KDSR: variants seen among roughly 807,000 people sequenced by gnomAD.
KDSR encodes the protein 3-ketodihydrosphingosine reductase.
Under a neutral mutation model 41.3 loss-of-function variants are expected in KDSR, and 23 were observed. The ratio of observed to expected loss-of-function variants is 0.56; its 90% CI spans 0.40 to 0.79. The LOEUF is 0.79. Among genes scored for constraint, KDSR ranks in the 30% least tolerant of loss-of-function variants. The pLI is 0.00. For missense variants in KDSR, 351 were observed against 416.8 expected (o/e 0.84, Z 1.37); for synonymous variants, 138 against 151.7 (o/e 0.91, Z 0.66).
intron 8 of KDSR, among the ~76,000 whole-genome samples, chr18:63,337,651 C>T (rs1432184919): frequency 6.6e-6 from 1 of 152,088 alleles, no homozygotes. Context: ...GGGCTGGGCA[C>T]GGAGCTCACG....
intron 5 of KDSR, among the ~76,000 whole-genome samples, chr18:63,354,165 C>T (rs564426510): frequency 2.0e-5 from 3 of 152,090 alleles, no homozygotes; most frequent in South Asian, 2.1e-4. Context: ...TCTGTCTAGA[C>T]GGCGCACACG....
At chr18:63,357,590 A>ATTT (rs879287574) in intron 3 of KDSR, among the ~76,000 whole-genome samples, 13,024 of 94,352 alleles carry the variant, frequency 0.14, 1,195 homozygotes, top group African/African-American at 0.24. Flanking sequence ...ATATATATAT[A>ATTT]TATATTTTTT....
rs776344064 is a variant in KDSR, at chr18:63,366,991, A to C, written c.108+20T>G. ...CGCGCGGGCCGGTAAGTCGGGGGGC[A>C]GCAACAGGAGGCCACTCACCACCAC... On this transcript the variant is annotated intron_variant, in intron 1 of 9. Transcript: ENST00000645214. 1 of 1,252,972 alleles carries C rather than the reference A, an allele frequency of 8.0e-7. No homozygotes were observed. The highest frequency in any genetic ancestry group is 1.0e-6 in the Non-Finnish European group (1 of 969,440). 77.6% of individuals were successfully genotyped at this position (1,252,972 alleles called of 1,614,324 possible). A position where few individuals can be genotyped will look rare whatever the true frequency, so the allele number is the denominator to read the frequency against.
intron 9 of KDSR, among the ~76,000 whole-genome samples, chr18:63,332,451 G>C (rs899312976): frequency 2.0e-5 from 3 of 152,112 alleles, no homozygotes; most frequent in African/African-American, 7.2e-5. Flanking sequence ...GCTCACTATA[G>C]CTTTGACCTC....
At chr18:63,365,982 C>G (rs1192703107) in intron 1 of KDSR, 1 of 152,242 alleles carries the variant, frequency 6.6e-6, no homozygotes, top group Non-Finnish European at 1.5e-5. Flanking sequence ...TATACCAGCT[C>G]AGCGGGGAGG....
chr18:63,336,450 T>C (rs1170305703), intron 8 of KDSR, among the ~76,000 whole-genome samples: 2 of 152,302 alleles, frequency 1.3e-5, no homozygotes, highest in South Asian at 2.1e-4. Context: ...GAAAAACAAC[T>C]GGCCACGTGT....
chr18:63,328,101 T>C lies in KDSR; in HGVS notation c.*3681A>G, dbSNP rs1913860965. On this transcript the variant is annotated 3_prime_UTR_variant, in exon 10 of 10. Coordinates refer to ENST00000645214, the MANE Select transcript of KDSR (RefSeq NM_002035.4). ...ACAAAGCATCTTATGTCAAAGAGTA[T>C]GAATATTTAAAAGTGGCCTCAAGTG... 1 of 190,756 alleles carries C rather than the reference T, an allele frequency of 5.2e-6. No individual in the cohort carries two copies. The highest frequency in any genetic ancestry group is 1.9e-4 in the South Asian group (1 of 5,176). 11.8% of individuals were successfully genotyped at this position (190,756 alleles called of 1,614,324 possible).
At chr18:63,340,536 C>T (rs945191306) in intron 7 of KDSR, among the ~76,000 whole-genome samples, 1 of 152,156 alleles carries the variant, frequency 6.6e-6, no homozygotes, top group African/African-American at 2.4e-5. Flanking sequence ...TGATTAATTC[C>T]TTTCTTCCCG....
At chr18:63,341,004 AGAT>A (rs1354443795) in intron 7 of KDSR, among the ~76,000 whole-genome samples, 3 of 152,228 alleles carry the variant, frequency 2.0e-5, no homozygotes, top group African/African-American at 7.2e-5. Flanking sequence ...AAAAGTGAGC[AGAT>A]GCTGGCATAT....
intron 6 of KDSR, among the ~76,000 whole-genome samples, chr18:63,347,321 C>T (rs1914535448): frequency 1.3e-5 from 2 of 151,754 alleles, no homozygotes; most frequent in East Asian, 1.9e-4. Context: ...CATGGTGAAA[C>T]CCCATCTCTA....
chr18:63,341,511 G>A (rs1156383543), intron 7 of KDSR, among the ~76,000 whole-genome samples: 1 of 151,568 alleles, frequency 6.6e-6, no homozygotes, highest in African/African-American at 2.4e-5. Flanking sequence ...GGAAATTAGA[G>A]GATCAGTCCA....
chr18:63,360,992 TA>T (rs377005462), intron 2 of KDSR, among the ~76,000 whole-genome samples: 70,558 of 112,374 alleles, frequency 0.63, 23,152 homozygotes, highest in South Asian at 0.67. Flanking sequence ...CTGTCTCTAC[TA>T]AAAAAAAAAT....
intron 9 of KDSR, among the ~76,000 whole-genome samples, chr18:63,332,831 C>CA (rs1159424416): frequency 0.027 from 2,036 of 74,744 alleles, 73 homozygotes; most frequent in African/African-American, 0.097. Flanking sequence ...GACTCCGTCT[C>CA]AAAAAAAAAA....
intron 2 of KDSR, among the ~76,000 whole-genome samples, chr18:63,361,017 A>ATATATATATATAAAATACATATAT (rs761703297): frequency 9.4e-6 from 1 of 106,900 alleles, no homozygotes; most frequent in Admixed American, 1.2e-4. Flanking sequence ...TATATATATA[A>ATATATATATATAAAATACATATAT]AATATATAAT....
chr18:63,362,691 G>T, intron 2 of KDSR, 88 bp downstream of exon 2: 1 of 837,306 alleles, frequency 1.2e-6, no homozygotes, highest in South Asian at 1.5e-5. Context: ...CGCTTTCTAG[G>T]TGTGAATGCT....
intron 3 of KDSR, among the ~76,000 whole-genome samples, chr18:63,355,832 G>T (rs550322924): frequency 4.6e-5 from 7 of 152,308 alleles, no homozygotes; most frequent in Non-Finnish European, 8.8e-5. Flanking sequence ...ATCAGGGGTT[G>T]CCCACAGCCA....
intron 6 of KDSR, among the ~76,000 whole-genome samples, chr18:63,346,845 G>C (rs1914517445): frequency 6.6e-6 from 1 of 152,166 alleles, no homozygotes. Flanking sequence ...ATAAGGTTAA[G>C]ATTCTAGTTT....
chr18:63,362,318 C>T (rs971225124), intron 2 of KDSR, among the ~76,000 whole-genome samples: 33 of 152,370 alleles, frequency 2.2e-4, no homozygotes, highest in African/African-American at 6.7e-4. Context: ...TAAGGAGGGA[C>T]GAGGTTCCTC....
intron 7 of KDSR, among the ~76,000 whole-genome samples, chr18:63,343,123 G>A (rs918894513): frequency 2.0e-5 from 3 of 152,244 alleles, no homozygotes; most frequent in Non-Finnish European, 2.9e-5. Context: ...CCTCTTTTAC[G>A]TGTAAATTAC....
Sources: gnomAD v4.1 joint callset for allele counts (sites outside exome capture counted in the v4.1 genomes callset) on GRCh38, gnomAD v4.1.1 for gene constraint, MANE v1.5 for transcripts, NCBI Gene and HGNC (gene_info 2026-07-23, HGNC 2026-07-21) for gene names.